The following APC variants were observed in gnomAD, a reference collection of about 807,000 sequenced individuals.
The protein encoded by APC is APC regulator of Wnt signaling pathway.
In APC, 72 loss-of-function variants were observed where a neutral mutation model predicts 247.0. The observed-to-expected ratio is 0.29, with a 90% CI of 0.24 to 0.35. APC has a LOEUF of 0.35. APC is among the 10% of genes least tolerant of loss of function. APC has a pLI of 1.00. For missense variants in APC, 3,400 were observed against 3,360.7 expected (o/e 1.01, Z -0.29); for synonymous variants, 1,254 against 1,162.5 (o/e 1.08, Z -1.60).
chr5:112,722,565 C>T (rs1317541722), intron 1 of APC, among the ~76,000 whole-genome samples: 1 of 152,020 alleles, frequency 6.6e-6, no homozygotes, highest in Non-Finnish European at 1.5e-5. Flanking sequence ...CCCCTCCTTC[C>T]CCCCAGTCCC....
chr5:112,783,131 T>C (rs1758536401), intron 6 of APC, among the ~76,000 whole-genome samples: 1 of 152,136 alleles, frequency 6.6e-6, no homozygotes, highest in South Asian at 2.1e-4. Context: ...AAGAACAAGA[T>C]GTGATGGTAG....
chr5:112,801,166 C>G lies in APC; in HGVS notation c.730-113C>G, dbSNP rs140271054. On this transcript the variant is annotated intron_variant, in intron 7 of 15. Coordinates refer to ENST00000257430, the MANE Select transcript of APC (RefSeq NM_000038.6). ...GTAATACACAGTTCCATGCCTTTATCAGTCTGTATAATTGATGCATTCAGA... is the reference window on the plus strand; with the variant it reads ...GTAATACACAGTTCCATGCCTTTATGAGTCTGTATAATTGATGCATTCAGA... 2.7e-4 allele frequency: 194 copies of G among 723,074 alleles called. No homozygotes were observed. The East Asian group carries it at 5.5e-3, about 21-fold the overall frequency. The allele number at this position is 723,074 out of a possible 1,614,324, so 44.8% of individuals were successfully genotyped here.
chr5:112,776,001 T>A (rs1383795596), intron 5 of APC, among the ~76,000 whole-genome samples: 3 of 152,206 alleles, frequency 2.0e-5, no homozygotes, highest in Non-Finnish European at 4.4e-5. Flanking sequence ...GACCTCAGGG[T>A]TCAACTAGGC....
intron 5 of APC, among the ~76,000 whole-genome samples, chr5:112,780,183 CT>C (rs1758168262): frequency 2.6e-5 from 4 of 152,134 alleles, no homozygotes; most frequent in Admixed American, 2.6e-4. Flanking sequence ...AGAAGTACCT[CT>C]TTTTGTTTCA....
rs963878310 is a variant in APC, at chr5:112,834,238, C to CT, written c.1744-691dup. On this transcript the variant is annotated intron_variant, in intron 14 of 15. Transcript: ENST00000257430. ...ACAGGCATGAGCCACCACGTTGCGC[C>CT]TTTTTTTTTTTTTTTTTTTTTTAAA... is the stretch of plus-strand genomic sequence containing the variant. Among the ~76,000 whole-genome samples, 960 of 126,566 alleles carry CT rather than the reference C, an allele frequency of 7.6e-3. 20 individuals carry two copies. Among genetic ancestry groups the CT allele is most frequent in the African/African-American group, 0.024 (787 of 33,078 alleles). The allele number at this position is 126,566 out of a possible 152,430, so 83.0% of individuals were successfully genotyped here. A position where few individuals can be genotyped will look rare whatever the true frequency, so the allele number is the denominator to read the frequency against.
chr5:112,812,857 G>A (rs1762126119), intron 8 of APC, among the ~76,000 whole-genome samples: 1 of 152,230 alleles, frequency 6.6e-6, no homozygotes, highest in South Asian at 2.1e-4. Context: ...TGGATTTAAA[G>A]ACCATTCCAG....
chr5:112,757,032 A>C (rs950656941), intron 2 of APC, among the ~76,000 whole-genome samples: 4 of 152,158 alleles, frequency 2.6e-5, no homozygotes, highest in Non-Finnish European at 5.9e-5. Context: ...AAATTTTCGG[A>C]TTTAGAATGC....
intron 6 of APC, among the ~76,000 whole-genome samples, chr5:112,788,272 T>G (rs766635877): frequency 2.6e-5 from 4 of 152,210 alleles, no homozygotes; most frequent in African/African-American, 7.2e-5. Context: ...ATTACTCTTG[T>G]CATGTAAACT....
intron 1 of APC, among the ~76,000 whole-genome samples, chr5:112,731,623 C>T (rs894782138): frequency 6.6e-6 from 1 of 152,188 alleles, no homozygotes; most frequent in Non-Finnish European, 1.5e-5. Flanking sequence ...TCGTGGTAAA[C>T]ATTTTAAAGA....
At chr5:112,766,587 G>A (rs1156270494) in intron 3 of APC, among the ~76,000 whole-genome samples, 177 bp downstream of exon 3, 1 of 152,050 alleles carries the variant, frequency 6.6e-6, no homozygotes, top group Non-Finnish European at 1.5e-5. Flanking sequence ...ATGTATTTGT[G>A]TGTCATTTCT....
rs1554086917 is a variant in APC at position 112,841,299 on chromosome 5, C to T, written c.5705C>T (p.Ser1902Phe). 3.1e-6 allele frequency: 5 copies of T among 1,613,974 alleles called. No individual in the cohort carries two copies. Among genetic ancestry groups the T allele is most frequent in the South Asian group, 1.1e-5 (1 of 91,076 alleles). Reference protein sequence around the residue: ...AKVTSHTELTSNQQSANKTQA... With the variant: ...AKVTSHTELTFNQQSANKTQA... ...GTTACCAGCCACACAGAACTAACCT[C>T]CAACCAACAATCAGCTAATAAGACA... The change falls in exon 16 of 16, where the codon TCC (serine) becomes TTC (phenylalanine). Residue 1902 changes from serine to phenylalanine, a missense_variant. By Grantham distance (155) the Ser-to-Phe change is radical. Coordinates refer to ENST00000257430, the MANE Select transcript of APC (RefSeq NM_000038.6). This position sits in a 1 kb window ranked among gnomAD's most constrained non-coding sequence, Gnocchi z 4.6.
intron 2 of APC, among the ~76,000 whole-genome samples, chr5:112,756,546 C>T (rs1755008559): frequency 6.6e-6 from 1 of 152,196 alleles, no homozygotes; most frequent in Non-Finnish European, 1.5e-5. Flanking sequence ...CTTTCATCTA[C>T]TTTAGTATGG....
chr5:112,842,303 C>T lies in APC; in HGVS notation c.6709C>T (p.Arg2237Ter), dbSNP rs768922431. 1 of 1,613,688 alleles carries T rather than the reference C, an allele frequency of 6.2e-7. No individual in the cohort carries two copies. The highest frequency in any genetic ancestry group is 8.5e-7 in the Non-Finnish European group (1 of 1,179,692). The part of the protein sequence containing the change: ...GRTMIHIPGV[R>*]NSSSSTSPVS... The stretch of plus-strand genomic sequence containing the variant: ...GACAATGATTCATATTCCAGGAGTT[C>T]GAAATAGCTCCTCAAGTACAAGTCC... The change falls in exon 16 of 16, where the codon CGA becomes TGA. Residue 2237 changes from arginine to a stop codon, truncating the protein, a stop_gained. Coordinates refer to ENST00000257430, the MANE Select transcript of APC (RefSeq NM_000038.6). LOFTEE classifies it high-confidence loss of function.
chr5:112,819,458 A>T, intron 10 of APC, 114 bp downstream of exon 10: 4 of 1,348,838 alleles, frequency 3.0e-6, no homozygotes, highest in Admixed American at 3.9e-5. Context: ...GAGAAAATTC[A>T]TATCAGCCAT....
intron 15 of APC, among the ~76,000 whole-genome samples, chr5:112,836,177 C>CTT (rs565168034): frequency 2.3e-5 from 2 of 88,066 alleles, no homozygotes; most frequent in African/African-American, 7.3e-5. Flanking sequence ...CCCCCCCCCC[C>CTT]CCGCCACCGT....
In APC at chr5:112,843,601, T is replaced by G; in HGVS notation, c.8007T>G (p.Pro2669=). ...VRIEDCPINN[P]RSGRSPTGNT... is the part of the protein sequence containing the mutation. ...TTGAGGACTGTCCCATTAACAATCC[T>G]AGATCTGGAAGATCTCCCACAGGTA... Residue 2669 remains proline (P), a synonymous_variant, in exon 16 of 16, where the codon CCT becomes CCG. Coordinates refer to ENST00000257430, the MANE Select transcript of APC (RefSeq NM_000038.6). This position sits in a 1 kb window ranked among gnomAD's most constrained non-coding sequence, Gnocchi z 4.8. 5.0e-6 allele frequency: 8 copies of G among 1,613,994 alleles called. No individual in the cohort carries two copies. Among genetic ancestry groups the G allele is most frequent in the Non-Finnish European group, 6.8e-6 (8 of 1,179,910 alleles).
At chr5:112,790,226 T>A (rs1382216182) in intron 6 of APC, among the ~76,000 whole-genome samples, 1 of 152,066 alleles carries the variant, frequency 6.6e-6, no homozygotes, top group Non-Finnish European at 1.5e-5. Context: ...CTTAGTTATA[T>A]TGTTAAAAAG....
intron 7 of APC, among the ~76,000 whole-genome samples, chr5:112,799,124 G>C (rs763898697): frequency 7.6e-6 from 1 of 132,014 alleles, no homozygotes; most frequent in African/African-American, 2.9e-5. Flanking sequence ...CATGAGAATC[G>C]TTTGAGCCGA....
Position 112,837,854 on chromosome 5 carries a change from G to A in APC, c.2260G>A (p.Val754Ile), listed in dbSNP as rs764099150. The change falls in exon 16 of 16, where the codon GTT (valine) becomes ATT (isoleucine). Residue 754 changes from valine (V) to isoleucine (I), a missense_variant. Val to Ile is a conservative substitution (Grantham distance 29). Coordinates refer to ENST00000257430, the MANE Select transcript of APC (RefSeq NM_000038.6). ...SPGSSLPSLH[V>I]RKQKALEAEL... ...TGGCTCAAGCTTGCCATCTCTTCATGTTAGGAAACAAAAAGCCCTAGAAGC... is the reference window on the plus strand; with the variant it reads ...TGGCTCAAGCTTGCCATCTCTTCATATTAGGAAACAAAAAGCCCTAGAAGC... 3.1e-6 allele frequency: 5 copies of A among 1,613,972 alleles called. No individual in the cohort carries two copies. The highest frequency in any genetic ancestry group is 4.2e-6 in the Non-Finnish European group (5 of 1,180,012).
Sources: allele counts gnomAD v4.1 joint callset (sites outside exome capture counted in the v4.1 genomes callset), GRCh38; gene constraint gnomAD v4.1.1; non-coding constraint Gnocchi (gnomAD v3.1); transcripts MANE v1.5; gene names NCBI Gene and HGNC (gene_info 2026-07-23, HGNC 2026-07-21).